Variants in GALNTL6 observed in about 807,000 individuals in gnomAD.
GALNTL6 encodes the protein polypeptide N-acetylgalactosaminyltransferase like 6.
Under a neutral mutation model 73.7 loss-of-function variants are expected in GALNTL6, and 46 were observed. That is an observed-to-expected ratio of 0.62 (90% CI 0.49 to 0.80). GALNTL6 has a LOEUF of 0.80. Ranked by LOEUF, GALNTL6 falls within the 30% of genes least tolerant of loss-of-function variation. GALNTL6 has a pLI of 0.00. For missense variants in GALNTL6, 604 were observed against 755.0 expected (o/e 0.80, Z 2.34); for synonymous variants, 259 against 263.7 (o/e 0.98, Z 0.17).
At chr4:172,235,608 T>G (rs182350431) in intron 3 of GALNTL6, among the ~76,000 whole-genome samples, 237 of 152,338 alleles carry the variant, frequency 1.6e-3, no homozygotes, top group African/African-American at 5.1e-3. Context: ...AAAAATTTTG[T>G]TTGCAGTAAC....
intron 2 of GALNTL6, among the ~76,000 whole-genome samples, chr4:172,044,881 A>G (rs555400989): frequency 5.7e-4 from 86 of 152,160 alleles, no homozygotes; most frequent in African/African-American, 2.0e-3. Flanking sequence ...TCTATAAAGT[A>G]TCAAGATCTA....
intron 2 of GALNTL6, among the ~76,000 whole-genome samples, chr4:171,861,912 G>A (rs1410948990): frequency 6.6e-6 from 1 of 151,974 alleles, no homozygotes; most frequent in Non-Finnish European, 1.5e-5. Context: ...GTGACCACTG[G>A]CCACTAATAG....
chr4:172,020,874 C>G (rs1173074766), intron 2 of GALNTL6, among the ~76,000 whole-genome samples: 1 of 151,894 alleles, frequency 6.6e-6, no homozygotes, highest in South Asian at 2.1e-4. Flanking sequence ...AGGCCAACAC[C>G]CTGATAAATA....
At position 172,380,257 on chromosome 4, in the gene GALNTL6, A is replaced by G. The variant is rs888629247; in HGVS notation, c.553+31568A>G. On this transcript the variant is annotated intron_variant, in intron 5 of 12. Coordinates refer to ENST00000506823, the MANE Select transcript of GALNTL6 (RefSeq NM_001034845.3). ...TTCTCCCCAACTTGTCTACATTAGGATGACAAATTTTGGTCATAAAACGCA... is the reference window on the plus strand; with the variant it reads ...TTCTCCCCAACTTGTCTACATTAGGGTGACAAATTTTGGTCATAAAACGCA... The G allele has an allele frequency of 4.6e-6, 4 of 871,268 alleles. No individual in the cohort carries two copies. The African/African-American group carries it at 6.6e-5, about 14-fold the overall frequency. The allele number at this position is 871,268 out of a possible 1,614,324, so 54.0% of individuals were successfully genotyped here. A position where few individuals can be genotyped will look rare whatever the true frequency, so the allele number is the denominator to read the frequency against.
At chr4:171,991,220 G>A (rs923556971) in intron 2 of GALNTL6, among the ~76,000 whole-genome samples, 1 of 152,134 alleles carries the variant, frequency 6.6e-6, no homozygotes, top group African/African-American at 2.4e-5. Context: ...AGATGTGTAA[G>A]ATCTATGAGG....
intron 8 of GALNTL6, among the ~76,000 whole-genome samples, chr4:172,909,364 T>A (rs35939903): frequency 1 from 151,229 of 151,408 alleles, 75,526 homozygotes; most frequent in Non-Finnish European, 1. Context: ...TTACATAAAA[T>A]ATTATGTGAA....
chr4:172,578,456 A>C (rs968796424), intron 5 of GALNTL6, among the ~76,000 whole-genome samples: 2 of 152,230 alleles, frequency 1.3e-5, no homozygotes, highest in Non-Finnish European at 2.9e-5. Context: ...ATTACTGGTA[A>C]TTGATATGAT....
At chr4:172,790,064 A>G (rs961000910) in intron 5 of GALNTL6, among the ~76,000 whole-genome samples, 27 of 152,242 alleles carry the variant, frequency 1.8e-4, no homozygotes, top group African/African-American at 5.3e-4. Context: ...AATAAAAACT[A>G]TGAGTCAAAA....
At chr4:172,131,513 C>CATAT (rs1184101834) in intron 2 of GALNTL6, among the ~76,000 whole-genome samples, 3 of 143,700 alleles carry the variant, frequency 2.1e-5, no homozygotes, top group African/African-American at 7.7e-5. Flanking sequence ...TATATGTGTG[C>CATAT]ATATATATAC....
intron 6 of GALNTL6, among the ~76,000 whole-genome samples, chr4:172,813,082 G>T (rs1055110328): frequency 6.6e-6 from 1 of 152,134 alleles, no homozygotes; most frequent in African/African-American, 2.4e-5. Flanking sequence ...CACCATGATT[G>T]TTATGAAATT....
intron 7 of GALNTL6, among the ~76,000 whole-genome samples, chr4:172,856,383 AC>A: frequency 6.6e-6 from 1 of 152,204 alleles, no homozygotes; most frequent in Admixed American, 6.5e-5. Flanking sequence ...TTTCCCACAA[AC>A]CTTCAAATTA....
intron 2 of GALNTL6, among the ~76,000 whole-genome samples, chr4:171,877,994 C>A (rs1736326642): frequency 6.6e-6 from 1 of 152,124 alleles, no homozygotes; most frequent in African/African-American, 2.4e-5. Context: ...TAATACTGAT[C>A]ACATCAAACA....
chr4:172,197,160 C>T (rs928511842), intron 2 of GALNTL6, among the ~76,000 whole-genome samples: 5 of 151,948 alleles, frequency 3.3e-5, no homozygotes, highest in Admixed American at 1.3e-4. Context: ...CAAGCAGAGA[C>T]CCAAATCATG....
rs564603317 is a variant in GALNTL6, at chr4:172,623,806, A to AT, written c.554-185549dup. 2.1e-4 allele frequency among the ~76,000 whole-genome samples: 32 copies of AT among 151,984 alleles called. No homozygotes were observed. The South Asian group carries it at 5.2e-3, about 25-fold the overall frequency. The stretch of plus-strand genomic sequence containing the variant: ...GAACTAGGTTTTGGTCTGGAAGGCA[A>AT]TTTTTTCATTATTTCAGTTTGGGCC... On this transcript the variant is annotated intron_variant, in intron 5 of 12. Coordinates refer to ENST00000506823, the MANE Select transcript of GALNTL6 (RefSeq NM_001034845.3).
chr4:171,988,933 T>C (rs553424949), intron 2 of GALNTL6, among the ~76,000 whole-genome samples: 26 of 151,510 alleles, frequency 1.7e-4, no homozygotes, highest in African/African-American at 6.1e-4. Flanking sequence ...GGGGAAAAGG[T>C]GGCAATGAGG....
At chr4:171,877,719 C>T (rs181447624) in intron 2 of GALNTL6, among the ~76,000 whole-genome samples, 44 of 151,844 alleles carry the variant, frequency 2.9e-4, no homozygotes, top group African/African-American at 9.4e-4. Flanking sequence ...GATGCTTTTC[C>T]GGAAACGGAA....
intron 3 of GALNTL6, among the ~76,000 whole-genome samples, chr4:172,279,201 G>GA (rs1190475678): frequency 2.0e-5 from 3 of 151,752 alleles, no homozygotes; most frequent in East Asian, 1.9e-4. Context: ...GGCAACAAAA[G>GA]AAAAAAATAG....
At chr4:172,526,552 A>G (rs913035700) in intron 5 of GALNTL6, among the ~76,000 whole-genome samples, 1 of 152,160 alleles carries the variant, frequency 6.6e-6, no homozygotes, top group Non-Finnish European at 1.5e-5. Context: ...ATTCACATAA[A>G]AGTATTAGCT....
chr4:172,570,307 G>T (rs759120059), intron 5 of GALNTL6, among the ~76,000 whole-genome samples: 1 of 152,146 alleles, frequency 6.6e-6, no homozygotes, highest in Non-Finnish European at 1.5e-5. Context: ...AAGGCTGGTG[G>T]TTTGCAGGAA....
Sources: allele counts gnomAD v4.1 joint callset (sites outside exome capture counted in the v4.1 genomes callset), GRCh38; gene constraint gnomAD v4.1.1; transcripts MANE v1.5; gene names NCBI Gene and HGNC (gene_info 2026-07-23, HGNC 2026-07-21).